Variants in SYT16 observed in about 807,000 individuals in gnomAD.
The protein encoded by SYT16 is synaptotagmin-16.
SYT16 carries 42 observed loss-of-function variants against 61.4 expected under a neutral mutation model. The observed-to-expected ratio is 0.68, with a 90% CI of 0.53 to 0.89. The LOEUF (loss-of-function observed/expected upper bound fraction) is 0.89, where lower values mean the gene tolerates loss of function less well. Ranked by LOEUF, SYT16 falls within the 40% of genes least tolerant of loss-of-function variation. SYT16 has a pLI of 0.00. For synonymous variants in SYT16, 314 were observed against 302.3 expected, an observed-to-expected ratio of 1.04 and a Z score of -0.40; for missense variants, 804 against 807.3, an observed-to-expected ratio of 1.00 and a Z score of 0.05.
intron 3 of SYT16, among the ~76,000 whole-genome samples, chr14:62,067,205 G>GAACTACTT (rs2056097972): frequency 1.3e-5 from 2 of 152,138 alleles, no homozygotes; most frequent in South Asian, 4.1e-4. Flanking sequence ...AAGTATTTAT[G>GAACTACTT]AACTACTTAC....
intron 1 of SYT16, among the ~76,000 whole-genome samples, chr14:61,858,929 A>C (rs1333354174): frequency 1.4e-5 from 2 of 148,084 alleles, no homozygotes; most frequent in Non-Finnish European, 3.0e-5. Context: ...ATCTCGGCTC[A>C]CTGCAACCTC....
At chr14:62,086,863 A>G (rs2056903657) in intron 7 of SYT16, among the ~76,000 whole-genome samples, 1 of 152,250 alleles carries the variant, frequency 6.6e-6, no homozygotes, top group African/African-American at 2.4e-5. Flanking sequence ...CAACCCATGG[A>G]ATAGAAAACA....
At chr14:61,882,499 T>C (rs2047735743) in intron 1 of SYT16, among the ~76,000 whole-genome samples, 1 of 152,146 alleles carries the variant, frequency 6.6e-6, no homozygotes, top group South Asian at 2.1e-4. Flanking sequence ...CATGATCCAT[T>C]TACCTCCACC....
intron 1 of SYT16, among the ~76,000 whole-genome samples, chr14:61,852,457 A>G (rs1378335961): frequency 6.6e-6 from 1 of 152,238 alleles, no homozygotes. Context: ...TCTGTAAAGA[A>G]CATCAATGGT....
At chr14:61,994,196 A>G (rs757498038) in intron 2 of SYT16, among the ~76,000 whole-genome samples, 5 of 152,294 alleles carry the variant, frequency 3.3e-5, no homozygotes, top group African/African-American at 4.8e-5. Flanking sequence ...GAAATTCACA[A>G]TCCCCCATGT....
intron 3 of SYT16, among the ~76,000 whole-genome samples, chr14:62,049,099 G>A (rs1391007147): frequency 6.6e-6 from 1 of 152,156 alleles, no homozygotes; most frequent in Non-Finnish European, 1.5e-5. Flanking sequence ...CATTATTTTT[G>A]TGTGGGAGTC....
intron 4 of SYT16, among the ~76,000 whole-genome samples, chr14:62,072,885 C>G (rs1482104450): frequency 1.3e-5 from 2 of 152,144 alleles, no homozygotes; most frequent in African/African-American, 4.8e-5. Flanking sequence ...AAGAATTTCT[C>G]TGTTAAAATA....
intron 2 of SYT16, among the ~76,000 whole-genome samples, chr14:61,976,912 A>G (rs999480442): frequency 1.3e-5 from 2 of 151,940 alleles, no homozygotes; most frequent in Admixed American, 6.6e-5. Flanking sequence ...CACATTTTCC[A>G]AGCTCATGCT....
At chr14:61,885,819 A>T (rs1038541306) in intron 1 of SYT16, among the ~76,000 whole-genome samples, 1 of 152,202 alleles carries the variant, frequency 6.6e-6, no homozygotes, top group African/African-American at 2.4e-5. Flanking sequence ...ATACCTTAAT[A>T]AAAAATATTT....
chr14:61,885,586 C>T (rs2047868152), intron 1 of SYT16, among the ~76,000 whole-genome samples: 1 of 152,140 alleles, frequency 6.6e-6, no homozygotes, highest in Non-Finnish European at 1.5e-5. Flanking sequence ...ATTTAGAAAA[C>T]ATACAGAATC....
chr14:61,880,086 C>G (rs1385407596), intron 1 of SYT16, among the ~76,000 whole-genome samples: 2 of 152,210 alleles, frequency 1.3e-5, no homozygotes, highest in African/African-American at 4.8e-5. Flanking sequence ...GATGAAATGT[C>G]TTAGTTCCCA....
intron 1 of SYT16, among the ~76,000 whole-genome samples, chr14:61,872,425 T>G (rs903495380): frequency 5.3e-5 from 8 of 152,194 alleles, no homozygotes; most frequent in Admixed American, 5.2e-4. Context: ...TTTTCTCCCT[T>G]AATATACCAT....
chr14:61,877,911 G>A (rs2140313836), intron 1 of SYT16, among the ~76,000 whole-genome samples: 1 of 152,304 alleles, frequency 6.6e-6, no homozygotes, highest in Admixed American at 6.5e-5. Context: ...ATCCCTGGGT[G>A]TTTCTGACTA....
At position 62,111,664 on chromosome 14, in the gene SYT16, C is replaced by T. The variant is rs1474916179; in HGVS notation, c.*10957C>T. On this transcript the variant is annotated 3_prime_UTR_variant, in exon 8 of 8. Coordinates refer to ENST00000683842, the MANE Select transcript of SYT16 (RefSeq NM_001367656.1). ...TGTTAGTTGTAAGGTGGAAGCCACC[C>T]CAATCCTCTCCCAGTGTTTCATAGG... 6.6e-6 allele frequency: 1 copy of T among 152,032 alleles called. No homozygotes were observed. Among genetic ancestry groups the T allele is most frequent in the Middle Eastern group, 3.2e-3 (1 of 316 alleles). The allele number at this position is 152,032 out of a possible 1,614,324, so 9.4% of individuals were successfully genotyped here.
intron 3 of SYT16, among the ~76,000 whole-genome samples, chr14:62,008,231 C>T (rs1322401938): frequency 2.6e-5 from 4 of 151,840 alleles, no homozygotes; most frequent in Admixed American, 1.3e-4. Context: ...CTGAGGAGAG[C>T]GAGTCTTGTT....
chr14:62,036,966 G>A (rs1174079903), intron 3 of SYT16, among the ~76,000 whole-genome samples: 2 of 152,188 alleles, frequency 1.3e-5, no homozygotes, highest in African/African-American at 4.8e-5. Flanking sequence ...AAAGAGAACA[G>A]AGGAAAATGA....
At chr14:62,066,891 C>T (rs1325285530) in intron 3 of SYT16, among the ~76,000 whole-genome samples, 1 of 152,154 alleles carries the variant, frequency 6.6e-6, no homozygotes, top group Non-Finnish European at 1.5e-5. Flanking sequence ...GCTGCCGTGG[C>T]ATCCGAGGGA....
At chr14:62,070,519 T>G (rs184410680) in intron 4 of SYT16, among the ~76,000 whole-genome samples, 1 of 152,294 alleles carries the variant, frequency 6.6e-6, no homozygotes, top group African/African-American at 2.4e-5. Flanking sequence ...GGCAGCCAGC[T>G]TGGGATGTTG....
At chr14:61,917,776 T>A (rs2049176205) in intron 1 of SYT16, among the ~76,000 whole-genome samples, 1 of 152,190 alleles carries the variant, frequency 6.6e-6, no homozygotes, top group South Asian at 2.1e-4. Flanking sequence ...GTATCCCTTA[T>A]CTGAAATGTT....
Sources: gnomAD v4.1 joint callset for allele counts (sites outside exome capture counted in the v4.1 genomes callset) on GRCh38, gnomAD v4.1.1 for gene constraint, MANE v1.5 for transcripts, NCBI Gene and HGNC (gene_info 2026-07-23, HGNC 2026-07-21) for gene names.